Variants in RARB observed in about 807,000 individuals in gnomAD.
The protein encoded by RARB is retinoic acid receptor beta, also known as HBV-activated protein.
In RARB, 17 loss-of-function variants were observed where a neutral mutation model predicts 51.9. That is an observed-to-expected ratio of 0.33 (90% CI 0.22 to 0.49). The LOEUF (loss-of-function observed/expected upper bound fraction) is 0.49, where lower values mean the gene tolerates loss of function less well. Among genes scored for constraint, RARB ranks in the 20% least tolerant of loss-of-function variants. RARB has a pLI of 0.99. For missense variants in RARB, 369 were observed against 550.8 expected, an observed-to-expected ratio of 0.67 and a Z score of 3.30; for synonymous variants, 215 against 195.4, an observed-to-expected ratio of 1.10 and a Z score of -0.84.
intron 4 of RARB, among the ~76,000 whole-genome samples, chr3:25,164,619 T>C (rs1700531092): frequency 6.6e-6 from 1 of 152,220 alleles, no homozygotes; most frequent in African/African-American, 2.4e-5. Context: ...CCCCTTCAAA[T>C]TATAGGTATG....
intron 2 of RARB, among the ~76,000 whole-genome samples, chr3:25,478,197 A>G (rs939360071): frequency 6.6e-6 from 1 of 152,154 alleles, no homozygotes; most frequent in Non-Finnish European, 1.5e-5. Flanking sequence ...TCTATTGGTT[A>G]AAGCAGCCAC....
intron 5 of RARB, among the ~76,000 whole-genome samples, chr3:25,333,251 G>C (rs1368436785): frequency 6.6e-6 from 1 of 152,114 alleles, no homozygotes; most frequent in African/African-American, 2.4e-5. Context: ...AAAGCTGGAG[G>C]CATCACGCTA....
chr3:25,063,725 T>TAAAA (rs77878713), intron 3 of RARB, among the ~76,000 whole-genome samples: 2 of 149,334 alleles, frequency 1.3e-5, no homozygotes, highest in East Asian at 2.0e-4. Flanking sequence ...TTTTTTTTTT[T>TAAAA]AAAAAGATGA....
At chr3:24,945,204 T>C (rs1695748515) in intron 2 of RARB, among the ~76,000 whole-genome samples, 1 of 152,228 alleles carries the variant, frequency 6.6e-6, no homozygotes, top group African/African-American at 2.4e-5. Flanking sequence ...GCTTTAGACA[T>C]AAAGAGTTTG....
intron 5 of RARB, among the ~76,000 whole-genome samples, chr3:25,420,312 A>G (rs1575387972): frequency 1.3e-5 from 2 of 152,136 alleles, no homozygotes. Flanking sequence ...TACTTTTTAC[A>G]TTCCCTTTCC....
chr3:25,126,558 C>T (rs1483872579), intron 3 of RARB, among the ~76,000 whole-genome samples: 2 of 152,088 alleles, frequency 1.3e-5, no homozygotes, highest in Admixed American at 1.3e-4. Flanking sequence ...GCATTTCAAA[C>T]TTTCATGTGC....
chr3:25,065,932 AT>A (rs536263328), intron 3 of RARB, among the ~76,000 whole-genome samples: 45 of 150,578 alleles, frequency 3.0e-4, no homozygotes, highest in Admixed American at 9.3e-4. Flanking sequence ...AAAAATGAAG[AT>A]TTTTTTTTTA....
intron 2 of RARB, among the ~76,000 whole-genome samples, chr3:24,992,767 G>A (rs943631099): frequency 1.3e-5 from 2 of 151,988 alleles, no homozygotes; most frequent in Non-Finnish European, 1.5e-5. Flanking sequence ...ATCCATTAGC[G>A]ATCACCCATA....
chr3:25,551,517 G>A (rs1699851210), intron 3 of RARB, among the ~76,000 whole-genome samples: 1 of 152,142 alleles, frequency 6.6e-6, no homozygotes, highest in African/African-American at 2.4e-5. Flanking sequence ...GTGGCAACAT[G>A]GAAGGAGAAA....
At chr3:24,959,549 C>T (rs932561454) in intron 2 of RARB, among the ~76,000 whole-genome samples, 1 of 152,126 alleles carries the variant, frequency 6.6e-6, no homozygotes, top group Non-Finnish European at 1.5e-5. Context: ...TTGGAAAAAG[C>T]AGCATTCTAG....
intron 5 of RARB, among the ~76,000 whole-genome samples, chr3:25,373,179 C>T (rs1249249817): frequency 1.3e-5 from 2 of 152,000 alleles, no homozygotes; most frequent in African/African-American, 2.4e-5. Flanking sequence ...GGAGGATGCT[C>T]GGAGCTAGAG....
At chr3:24,870,545 T>G (rs1360567507) in intron 2 of RARB, among the ~76,000 whole-genome samples, 1 of 152,128 alleles carries the variant, frequency 6.6e-6, no homozygotes, top group Non-Finnish European at 1.5e-5. Flanking sequence ...TTCTGGCAGT[T>G]TAAGCCTTCT....
chr3:25,270,660 G>A (rs914081523), intron 5 of RARB, among the ~76,000 whole-genome samples: 4 of 152,094 alleles, frequency 2.6e-5, no homozygotes, highest in African/African-American at 7.2e-5. Flanking sequence ...ATTAATACCT[G>A]GGTAATATTA....
At chr3:24,885,566 C>A (rs886207781) in intron 2 of RARB, among the ~76,000 whole-genome samples, 1 of 152,088 alleles carries the variant, frequency 6.6e-6, no homozygotes, top group Admixed American at 6.6e-5. Context: ...TATAGTGTAG[C>A]TCTAAATCAC....
chr3:24,988,599 A>T (rs1696844937), intron 2 of RARB, among the ~76,000 whole-genome samples: 1 of 152,116 alleles, frequency 6.6e-6, no homozygotes, highest in South Asian at 2.1e-4. Flanking sequence ...TATAAAAAAA[A>T]TAGTTTTGGT....
At chr3:25,116,525 G>A (rs35806066) in intron 3 of RARB, among the ~76,000 whole-genome samples, 18,716 of 152,066 alleles carry the variant, frequency 0.12, 1,535 homozygotes, top group South Asian at 0.27. Context: ...GTCCAAGAGC[G>A]GAGGTCTATG....
At chr3:25,586,522 G>A (rs1007535679) in intron 5 of RARB, among the ~76,000 whole-genome samples, 3 of 151,984 alleles carry the variant, frequency 2.0e-5, no homozygotes, top group Non-Finnish European at 4.4e-5. Flanking sequence ...TATCACGCCT[G>A]TTAAGGCTTC....
chr3:25,249,971 G>T (rs1254342850), intron 5 of RARB, among the ~76,000 whole-genome samples: 1 of 68,888 alleles, frequency 1.5e-5, no homozygotes, highest in Non-Finnish European at 2.6e-5. Context: ...GATAGTAACA[G>T]TGGTGGGCTC....
intron 5 of RARB, among the ~76,000 whole-genome samples, chr3:25,205,611 G>T (rs1701520375): frequency 6.6e-6 from 1 of 152,108 alleles, no homozygotes; most frequent in Non-Finnish European, 1.5e-5. Context: ...AATGCTTGAG[G>T]TGATGGACTC....
Sources: allele counts gnomAD v4.1 joint callset (sites outside exome capture counted in the v4.1 genomes callset), GRCh38; gene constraint gnomAD v4.1.1; transcripts MANE v1.5; gene names NCBI Gene and HGNC (gene_info 2026-07-23, HGNC 2026-07-21).